Variants in GJA8 observed in about 807,000 individuals in gnomAD.
The protein encoded by GJA8 is gap junction alpha-8 protein.
A neutral mutation model predicts 15.3 loss-of-function variants in GJA8; 13 were observed. The ratio of observed to expected loss-of-function variants is 0.85; its 90% CI spans 0.55 to 1.35. The LOEUF is 1.35. GJA8 is among the 40% of genes most tolerant of loss of function. The pLI is 0.00. For missense variants in GJA8, 607 were observed against 553.3 expected (o/e 1.10, Z -0.97); for synonymous variants, 304 against 238.7 (o/e 1.27, Z -2.52).
Position 147,908,397 on chromosome 1 carries a change from C to A in GJA8, c.442C>A (p.Leu148Met). 1 of 1,614,214 alleles carries A rather than the reference C, an allele frequency of 6.2e-7. No homozygotes were observed. Among genetic ancestry groups the A allele is most frequent in the Non-Finnish European group, 8.5e-7 (1 of 1,180,028 alleles). ...GAAGTTCCGGCTGGAGGGGACCCTG[C>A]TGAGGACCTACATCTGCCACATCAT... is the stretch of plus-strand genomic sequence containing the variant. ...TKKFRLEGTL[L>M]RTYICHIIFK... Residue 148 changes from leucine (L) to methionine (M), a missense_variant, in exon 2 of 2, where the codon CTG becomes ATG. Transcript: ENST00000369235.
At chr1:147,913,598 T>C (rs1275517748), downstream of GJA8, among the ~76,000 whole-genome samples, 1 of 152,162 alleles carries the variant, frequency 6.6e-6, no homozygotes, top group Non-Finnish European at 1.5e-5. Context: ...GTCCAGGCCA[T>C]GTGGAAGGCC....
chr1:147,904,022 C>T (rs1376153936), intron 1 of GJA8, among the ~76,000 whole-genome samples: 2 of 150,690 alleles, frequency 1.3e-5, no homozygotes, highest in Non-Finnish European at 2.9e-5. Flanking sequence ...GCCTCCACCT[C>T]CTGGGCTCAA....
Position 147,907,930 on chromosome 1 carries a change from C to T in GJA8, c.-11-15C>T. 1 of 1,590,330 alleles carries T rather than the reference C, an allele frequency of 6.3e-7. No homozygotes were observed. Among genetic ancestry groups the T allele is most frequent in the Non-Finnish European group, 8.6e-7 (1 of 1,158,808 alleles). On this transcript the variant is annotated splice_polypyrimidine_tract_variant and intron_variant, in intron 1 of 1. Coordinates refer to ENST00000369235, the MANE Select transcript of GJA8 (RefSeq NM_005267.5). Reference sequence around the variant, plus strand: ...TGCGGCCGCTCAGCTCTTGCCTTCTCCCTCATTTCTTCAGGTGGGTGAGAA... The same window carrying T: ...TGCGGCCGCTCAGCTCTTGCCTTCTTCCTCATTTCTTCAGGTGGGTGAGAA...
At chr1:147,902,939 A>G (rs1651661808) in intron 1 of GJA8, among the ~76,000 whole-genome samples, 78 bp downstream of exon 1, 1 of 152,192 alleles carries the variant, frequency 6.6e-6, no homozygotes, top group Non-Finnish European at 1.5e-5. Flanking sequence ...AGGGCCATAT[A>G]TAGGCTTCTC....
At position 147,908,057 on chromosome 1, in the gene GJA8, C is replaced by T. The variant is rs377455383; in HGVS notation, c.102C>T (p.Ile34=). The change falls in exon 2 of 2, where the codon ATC becomes ATT. Residue 34 remains isoleucine, a synonymous_variant. Coordinates refer to ENST00000369235, the MANE Select transcript of GJA8 (RefSeq NM_005267.5). ...TCACCGTGCTTTTCATCTTCCGGAT[C>T]CTCATCCTTGGCACGGCCGCAGAGT... The part of the protein sequence containing the change: ...VWLTVLFIFR[I]LILGTAAEFV... 1.1e-5 allele frequency: 18 copies of T among 1,613,990 alleles called. No individual in the cohort carries two copies. Among genetic ancestry groups the T allele is most frequent in the Admixed American group, 1.7e-5 (1 of 60,008 alleles).
downstream of GJA8, chr1:147,909,374 G>A: frequency 1.2e-6 from 1 of 800,256 alleles, no homozygotes; most frequent in Non-Finnish European, 2.1e-6. Flanking sequence ...CCTCTGGTTG[G>A]ACAGGCACTG....
downstream of GJA8, among the ~76,000 whole-genome samples, chr1:147,910,697 A>G (rs1018963018): frequency 6.6e-6 from 1 of 152,206 alleles, no homozygotes. Flanking sequence ...AAGCAAGCCC[A>G]GTTTCGAGCT....
downstream of GJA8, chr1:147,909,286 C>T (rs782743421): frequency 1.9e-5 from 24 of 1,266,630 alleles, no homozygotes; most frequent in Middle Eastern, 1.9e-4. Context: ...AAAAAAAACG[C>T]CCAAGCTTAC....
Position 147,908,638 on chromosome 1 carries a change from G to T in GJA8, c.683G>T (p.Gly228Val), listed in dbSNP as rs782033285. The T allele has an allele frequency of 1.9e-6, 3 of 1,614,146 alleles. No homozygotes were observed. The highest frequency in any genetic ancestry group is 2.5e-6 in the Non-Finnish European group (3 of 1,180,016). Residue 228 changes from glycine to valine, a missense_variant, in exon 2 of 2, where the codon GGC becomes GTC. Gly to Val is a moderately radical substitution (Grantham distance 109, BLOSUM62 -3). Coordinates refer to ENST00000369235, the MANE Select transcript of GJA8 (RefSeq NM_005267.5). ...FLNVMELGHLGLKGIRSALKR... is the reference protein window; with the variant it reads ...FLNVMELGHLVLKGIRSALKR... ...AACGTGATGGAGTTGGGCCACCTGG[G>T]CCTGAAGGGGATCCGGTCTGCCTTG... is the stretch of plus-strand genomic sequence containing the variant.
intron 1 of GJA8, among the ~76,000 whole-genome samples, chr1:147,905,920 G>A (rs1021911188): frequency 1.3e-5 from 2 of 152,210 alleles, no homozygotes; most frequent in East Asian, 1.9e-4. Context: ...GCTGCTGCAG[G>A]ATGCCCTGCC....
chr1:147,904,739 G>C (rs1161012163), intron 1 of GJA8, among the ~76,000 whole-genome samples: 1 of 152,288 alleles, frequency 6.6e-6, no homozygotes, highest in South Asian at 2.1e-4. Context: ...CAGCTCTAAA[G>C]TGTCTCTCCT....
intron 1 of GJA8, among the ~76,000 whole-genome samples, chr1:147,906,470 C>T (rs1307303805): frequency 1.3e-5 from 2 of 152,138 alleles, no homozygotes; most frequent in African/African-American, 2.4e-5. Context: ...GATATTTTTT[C>T]TATAGACCAA....
chr1:147,911,658 C>A (rs587614971), downstream of GJA8, among the ~76,000 whole-genome samples: 142 of 152,320 alleles, frequency 9.3e-4, no homozygotes, highest in Non-Finnish European at 1.9e-3. Context: ...GCCTGAGAAC[C>A]AGAGAGTGCA....
rs781794554 is a variant in GJA8, at chr1:147,908,580, A to G, written c.625A>G (p.Met209Val). 1.9e-6 allele frequency: 3 copies of G among 1,613,890 alleles called. No homozygotes were observed. The highest frequency in any genetic ancestry group is 2.2e-5 in the South Asian group (2 of 91,052). The change falls in exon 2 of 2, where the codon ATG (methionine) becomes GTG (valine). Residue 209 changes from methionine to valine, a missense_variant. Transcript: ENST00000369235. ...GGAGAAAACCATCTTCATCCTGTTCATGTTGTCTGTGGCCTCTGTGTCCCT... is the reference window on the plus strand; with the variant it reads ...GGAGAAAACCATCTTCATCCTGTTCGTGTTGTCTGTGGCCTCTGTGTCCCT... ...PTEKTIFILFMLSVASVSLFL... is the reference protein window; with the variant it reads ...PTEKTIFILFVLSVASVSLFL...
chr1:147,904,227 C>G (rs1651708323), intron 1 of GJA8, among the ~76,000 whole-genome samples: 2 of 152,140 alleles, frequency 1.3e-5, no homozygotes, highest in Non-Finnish European at 2.9e-5. Context: ...GTCACCACGC[C>G]CAGCCAATAA....
downstream of GJA8, chr1:147,909,283 A>AT: frequency 1.4e-6 from 2 of 1,481,080 alleles, no homozygotes; most frequent in Non-Finnish European, 1.9e-6. Context: ...AAAAAAAAAA[A>AT]CGCCCAAGCT....
chr1:147,906,330 C>T (rs1558008245), intron 1 of GJA8, among the ~76,000 whole-genome samples: 1 of 152,194 alleles, frequency 6.6e-6, no homozygotes, highest in Non-Finnish European at 1.5e-5. Flanking sequence ...GGAAGTTTTG[C>T]TCATCATTCT....
At chr1:147,903,503 TA>T (rs1651680881) in intron 1 of GJA8, among the ~76,000 whole-genome samples, 1 of 152,168 alleles carries the variant, frequency 6.6e-6, no homozygotes, top group South Asian at 2.1e-4. Flanking sequence ...AATGGATGTA[TA>T]TGTGTTATTC....
chr1:147,906,607 C>G (rs1288055443), intron 1 of GJA8, among the ~76,000 whole-genome samples: 2 of 152,162 alleles, frequency 1.3e-5, no homozygotes, highest in African/African-American at 4.8e-5. Context: ...AGCATTCTCT[C>G]TGTTCTTTGG....
Sources: allele counts gnomAD v4.1 joint callset (sites outside exome capture counted in the v4.1 genomes callset), GRCh38; gene constraint gnomAD v4.1.1; transcripts MANE v1.5; gene names NCBI Gene and HGNC (gene_info 2026-07-23, HGNC 2026-07-21).